CLNK: variants seen among roughly 807,000 people sequenced by gnomAD.
CLNK encodes cytokine-dependent hematopoietic cell linker.
CLNK carries 74 observed loss-of-function variants against 68.6 expected under a neutral mutation model. The observed-to-expected ratio is 1.08, with a 90% confidence interval of 0.89 to 1.31. The LOEUF (loss-of-function observed/expected upper bound fraction) is 1.31. Among genes scored for constraint, CLNK ranks in the 50% most tolerant of loss-of-function variants. The pLI is 0.00. For missense variants in CLNK, 553 were observed against 515.3 expected (o/e 1.07, Z -0.71); for synonymous variants, 198 against 172.2 (o/e 1.15, Z -1.17).
chr4:10,601,932 G>T (rs150226332), intron 2 of CLNK, among the ~76,000 whole-genome samples: 2 of 152,314 alleles, frequency 1.3e-5, no homozygotes, highest in South Asian at 2.1e-4. Context: ...AGCTGGAAGT[G>T]CCATAGGCTT....
At chr4:10,544,048 C>T (rs933555802) in intron 8 of CLNK, among the ~76,000 whole-genome samples, 1 of 152,178 alleles carries the variant, frequency 6.6e-6, no homozygotes, top group Non-Finnish European at 1.5e-5. Context: ...ATTGGCTTCA[C>T]CTCCAGAGCT....
chr4:10,604,702 A>G (rs1466027496), intron 2 of CLNK, among the ~76,000 whole-genome samples: 1 of 152,080 alleles, frequency 6.6e-6, no homozygotes, highest in Non-Finnish European at 1.5e-5. Context: ...GCCCCCTGAA[A>G]ATTTGAGCTG....
intron 2 of CLNK, among the ~76,000 whole-genome samples, chr4:10,621,837 C>A (rs1159349836): frequency 1.3e-5 from 2 of 152,112 alleles, no homozygotes; most frequent in African/African-American, 4.8e-5. Context: ...CTCTGGGGCT[C>A]CACAGGTAAG....
At chr4:10,646,145 G>C (rs1037369102) in intron 2 of CLNK, among the ~76,000 whole-genome samples, 2 of 151,934 alleles carry the variant, frequency 1.3e-5, no homozygotes, top group African/African-American at 4.8e-5. Flanking sequence ...TTTGAGTGTG[G>C]GTATGTGAAT....
chr4:10,641,950 T>A (rs1043956008), intron 2 of CLNK, among the ~76,000 whole-genome samples: 1 of 152,186 alleles, frequency 6.6e-6, no homozygotes, highest in Non-Finnish European at 1.5e-5. Flanking sequence ...ATGTAACGTG[T>A]GCCTTTCTCC....
At chr4:10,573,903 C>T (rs979880310) in intron 4 of CLNK, among the ~76,000 whole-genome samples, 7 of 152,116 alleles carry the variant, frequency 4.6e-5, no homozygotes, top group African/African-American at 1.7e-4. Flanking sequence ...GCTCATCATC[C>T]TTTCAGATCC....
At chr4:10,612,684 A>G (rs1431114094) in intron 2 of CLNK, among the ~76,000 whole-genome samples, 1 of 152,160 alleles carries the variant, frequency 6.6e-6, no homozygotes, top group African/African-American at 2.4e-5. Context: ...TTGATTTCCC[A>G]TGCTGATGAG....
At chr4:10,550,987 T>C (rs767778591) in intron 8 of CLNK, among the ~76,000 whole-genome samples, 13 of 152,220 alleles carry the variant, frequency 8.5e-5, no homozygotes, top group Non-Finnish European at 1.3e-4. Flanking sequence ...CGGTGGATAA[T>C]GGACACAGCG....
In CLNK at chr4:10,574,115, A is replaced by G. The variant is rs568938475; in HGVS notation, c.113-2337T>C. 2.1e-3 allele frequency among the ~76,000 whole-genome samples: 324 copies of G among 152,280 alleles called. 1 individual carries two copies. The highest frequency in any genetic ancestry group is 3.6e-3 in the Non-Finnish European group (247 of 68,026). ...GAGTACCTATCTGTGTCATCAGTGCAGAGTTTTGGAAAATGCAATTTTAAA... is the reference window on the plus strand; with the variant it reads ...GAGTACCTATCTGTGTCATCAGTGCGGAGTTTTGGAAAATGCAATTTTAAA... On this transcript the variant is annotated intron_variant, in intron 4 of 18. Transcript: ENST00000226951.
At chr4:10,506,722 A>C (rs182755952) in intron 17 of CLNK, among the ~76,000 whole-genome samples, 3 of 152,378 alleles carry the variant, frequency 2.0e-5, no homozygotes, top group Admixed American at 1.3e-4. Flanking sequence ...ATAAATCTAC[A>C]TGGGAAGTTA....
At chr4:10,538,868 A>G (rs1305175040) in intron 11 of CLNK, among the ~76,000 whole-genome samples, 2 of 152,224 alleles carry the variant, frequency 1.3e-5, no homozygotes, top group African/African-American at 4.8e-5. Context: ...TAAAAGTGCA[A>G]TAAGTGTTGG....
chr4:10,672,039 A>AT (rs1289133622), intron 1 of CLNK, among the ~76,000 whole-genome samples: 1 of 152,186 alleles, frequency 6.6e-6, no homozygotes, highest in African/African-American at 2.4e-5. Context: ...GCTAACTAAG[A>AT]TTGCAATGCA....
chr4:10,584,785 G>A, intron 4 of CLNK, 142 bp downstream of exon 4: 1 of 883,700 alleles, frequency 1.1e-6, no homozygotes, highest in South Asian at 1.6e-5. Context: ...TGGGGCAACT[G>A]GAAGGAATGG....
the CLNK span, among the ~76,000 whole-genome samples, chr4:10,707,345 T>C: frequency 6.6e-6 from 1 of 152,240 alleles, no homozygotes; most frequent in African/African-American, 2.4e-5. Context: ...TTGGACAAGT[T>C]TGCTTTAGAC....
chr4:10,523,617 A>AACAAATAC (rs1262971527), intron 14 of CLNK, among the ~76,000 whole-genome samples: 1 of 56,192 alleles, frequency 1.8e-5, no homozygotes, highest in East Asian at 2.8e-4. Flanking sequence ...CAAACAAATA[A>AACAAATAC]ACAAAAGAAG....
chr4:10,686,434 G>A (rs1577221448), upstream of CLNK, among the ~76,000 whole-genome samples: 1 of 151,812 alleles, frequency 6.6e-6, no homozygotes, highest in Non-Finnish European at 1.5e-5. Context: ...GAGGCAGTTG[G>A]ATGATCTAAG....
In CLNK at chr4:10,513,676, AC is replaced by A. The variant is rs1021757406; in HGVS notation, c.773-80del. ...CCCCCACCTCCAGAAAGGAGCTGAA[AC>A]CCTTTGCTCCTTCCTATATCTGTGA... On this transcript the variant is annotated intron_variant, in intron 15 of 18. Coordinates refer to ENST00000226951, the MANE Select transcript of CLNK (RefSeq NM_052964.4). 1.3e-5 allele frequency: 18 copies of A among 1,405,856 alleles called. No homozygotes were observed. In the African/African-American group the frequency reaches 2.3e-4, roughly 18 times the overall value. 87.1% of individuals were successfully genotyped at this position (1,405,856 alleles called of 1,614,324 possible).
intron 1 of CLNK, among the ~76,000 whole-genome samples, chr4:10,677,767 T>C (rs956277885): frequency 6.6e-6 from 1 of 152,078 alleles, no homozygotes; most frequent in East Asian, 1.9e-4. Context: ...ATTAAACCTC[T>C]TTCCGTTATA....
At chr4:10,676,374 G>T (rs1724873008) in intron 1 of CLNK, among the ~76,000 whole-genome samples, 1 of 143,690 alleles carries the variant, frequency 7.0e-6, no homozygotes, top group African/African-American at 2.6e-5. Flanking sequence ...GAAGTCAAAT[G>T]CATTGTTATT....
Sources: allele counts gnomAD v4.1 joint callset (sites outside exome capture counted in the v4.1 genomes callset), GRCh38; gene constraint gnomAD v4.1.1; transcripts MANE v1.5; gene names NCBI Gene and HGNC (gene_info 2026-07-23, HGNC 2026-07-21).